NDE1: variants seen among roughly 807,000 people sequenced by gnomAD.
NDE1 encodes the protein nudE neurodevelopment protein 1.
A neutral mutation model predicts 43.4 loss-of-function variants in NDE1; 28 were observed. That is an observed-to-expected ratio of 0.65 (90% CI 0.48 to 0.89). The LOEUF (loss-of-function observed/expected upper bound fraction) is 0.89. Ranked by LOEUF, NDE1 falls within the 40% of genes least tolerant of loss-of-function variation. The pLI is 0.00. For missense variants in NDE1, 441 were observed against 434.1 expected, an observed-to-expected ratio of 1.02 and a Z score of -0.14; for synonymous variants, 184 against 172.0, an observed-to-expected ratio of 1.07 and a Z score of -0.55.
Position 15,695,516 on chromosome 16 carries a change from T to C in NDE1, c.796-1193T>C, listed in dbSNP as rs1322062660. 4.1e-6 allele frequency: 4 copies of C among 971,172 alleles called. No homozygotes were observed. In the South Asian group the frequency reaches 1.4e-4, roughly 35 times the overall value. The allele number at this position is 971,172 out of a possible 1,614,324, so 60.2% of individuals were successfully genotyped here. On this transcript the variant is annotated intron_variant, in intron 7 of 8. Transcript: ENST00000396354. ...GTCTCAAAAAAAAAAAAAAAAAAAA[T>C]CTTGAAAGCCTAGGGCAAAGAATTT...
At chr16:15,719,273 C>G in intron 8 of NDE1, 1 of 1,613,004 alleles carries the variant, frequency 6.2e-7, no homozygotes, top group Non-Finnish European at 8.5e-7. Flanking sequence ...TCTCGAGGTC[C>G]GCTTGTTTGC....
At chr16:15,682,984 C>T (rs1476062663) in intron 4 of NDE1, among the ~76,000 whole-genome samples, 3 of 152,016 alleles carry the variant, frequency 2.0e-5, no homozygotes, top group African/African-American at 7.2e-5. Flanking sequence ...GGATTATAGC[C>T]GTTAGCTCTC....
At chr16:15,689,137 G>T (rs1206580838) in intron 5 of NDE1, among the ~76,000 whole-genome samples, 1 of 152,198 alleles carries the variant, frequency 6.6e-6, no homozygotes, top group Non-Finnish European at 1.5e-5. Flanking sequence ...GAAGTACATA[G>T]ATGTATTTTG....
At chr16:15,691,402 T>G in intron 6 of NDE1, 79 bp downstream of exon 6, 1 of 1,478,470 alleles carries the variant, frequency 6.8e-7, no homozygotes, top group Non-Finnish European at 9.3e-7. Context: ...GTCCTGGGGG[T>G]GTGATGATTT....
chr16:15,719,150 G>A lies in NDE1; in HGVS notation c.948-5041G>A, dbSNP rs72772021. 23,372 of 1,453,892 alleles carry A rather than the reference G, an allele frequency of 0.016. 276 individuals are homozygous for A. Among genetic ancestry groups the A allele is most frequent in the Middle Eastern group, 0.052 (299 of 5,788 alleles). 90.1% of individuals were successfully genotyped at this position (1,453,892 alleles called of 1,614,324 possible). A position where few individuals can be genotyped will look rare whatever the true frequency, so the allele number is the denominator to read the frequency against. ...CTCGAAAAAATTTAAAAAATAAAAT[G>A]GGGGTCGAGGATGCTGCCTGTCCCC... On this transcript the variant is annotated intron_variant, in intron 8 of 8. Transcript: ENST00000396354.
chr16:15,677,689 TCCTCCCAGTTTAG>T (rs1405903892), intron 3 of NDE1, 99 bp from the exon 4 acceptor site: 128 of 1,171,316 alleles, frequency 1.1e-4, no homozygotes, highest in Admixed American at 3.9e-4. Flanking sequence ...GCTCAGGCAG[TCCTCCCAGTTTAG>T]CCTCCCGAGT....
At chr16:15,684,746 C>T (rs2038349671) in intron 4 of NDE1, among the ~76,000 whole-genome samples, 1 of 152,072 alleles carries the variant, frequency 6.6e-6, no homozygotes, top group Admixed American at 6.6e-5. Flanking sequence ...ACCCAGTGGT[C>T]CCTAAAACTA....
Position 15,720,244 on chromosome 16 carries a change from C to T in NDE1, c.948-3947C>T, listed in dbSNP as rs2040395555. 6.2e-7 allele frequency: 1 copy of T among 1,614,142 alleles called. No homozygotes were observed. The highest frequency in any genetic ancestry group is 8.5e-7 in the Non-Finnish European group (1 of 1,180,014). On this transcript the variant is annotated intron_variant, in intron 8 of 8. Coordinates refer to ENST00000396354, the MANE Select transcript of NDE1 (RefSeq NM_017668.3). Reference sequence around the variant, plus strand: ...GGTCTTTCAGGTCCCCTTCCAGCTTCTTCTTTGCTGCAGCTGCCAGGGCAC... The same window carrying T: ...GGTCTTTCAGGTCCCCTTCCAGCTTTTTCTTTGCTGCAGCTGCCAGGGCAC...
rs769158052 is a variant in NDE1, at chr16:15,666,034, G to A, written c.83+1173G>A. Among the ~76,000 whole-genome samples, 105 of 152,144 alleles carry A rather than the reference G, an allele frequency of 6.9e-4. 1 individual carries two copies. The highest frequency in any genetic ancestry group is 2.4e-4 in the Non-Finnish European group (16 of 68,034). On this transcript the variant is annotated intron_variant, in intron 2 of 8. Transcript: ENST00000396354. ...GCTTCCCTAAGTGCTGGGATTACAG[G>A]CGTGAGCCACCACGCCCGGTGTCCA...
chr16:15,715,289 A>G, intron 8 of NDE1: 2 of 1,613,826 alleles, frequency 1.2e-6, no homozygotes, highest in Non-Finnish European at 1.7e-6. Context: ...ACAGCAAGGA[A>G]AACAGGTGGT....
chr16:15,665,457 T>C (rs2037254020), intron 2 of NDE1, among the ~76,000 whole-genome samples: 1 of 152,068 alleles, frequency 6.6e-6, no homozygotes, highest in South Asian at 2.1e-4. Flanking sequence ...TTCTTCTTTT[T>C]TTTTTGAGAC....
chr16:15,697,122 C>T (rs1272277760), intron 8 of NDE1: 3 of 935,768 alleles, frequency 3.2e-6, no homozygotes, highest in African/African-American at 1.8e-5. Context: ...GATCATGGCT[C>T]ACCCTCTGCC....
intron 3 of NDE1, among the ~76,000 whole-genome samples, chr16:15,676,762 C>T (rs2037902557): frequency 6.6e-6 from 1 of 152,124 alleles, no homozygotes; most frequent in African/African-American, 2.4e-5. Context: ...CTCTCAGGCT[C>T]GAATGGTCCT....
Position 15,717,003 on chromosome 16 carries a change from T to C in NDE1, c.948-7188T>C, listed in dbSNP as rs535222434. On this transcript the variant is annotated intron_variant, in intron 8 of 8. Transcript: ENST00000396354. ...GTGTTTACGTTCAGTTCTCACAACA[T>C]ACCTGCACTGTAGGCATCACAGAGC... 51 of 973,380 alleles carry C rather than the reference T, an allele frequency of 5.2e-5. 2 individuals are homozygous for C. The South Asian group carries it at 6.1e-4, about 12-fold the overall frequency. The allele number at this position is 973,380 out of a possible 1,614,324, so 60.3% of individuals were successfully genotyped here.
At chr16:15,681,322 A>G (rs71376086) in intron 4 of NDE1, among the ~76,000 whole-genome samples, 8,595 of 118,478 alleles carry the variant, frequency 0.073, 499 homozygotes, top group African/African-American at 0.18. Flanking sequence ...GTAGAGTGCC[A>G]TGGTGCAATT....
intron 3 of NDE1, among the ~76,000 whole-genome samples, chr16:15,674,315 C>T (rs557779880): frequency 1.8e-4 from 27 of 152,078 alleles, no homozygotes; most frequent in Non-Finnish European, 3.1e-4. Flanking sequence ...ACAATCTCTG[C>T]TCACTGCAAC....
intron 8 of NDE1, chr16:15,721,533 A>G: frequency 6.2e-7 from 1 of 1,614,162 alleles, no homozygotes; most frequent in East Asian, 2.2e-5. Context: ...CAAGGGCCCG[A>G]GCCAGGGACA....
At chr16:15,721,779 T>C in intron 8 of NDE1, 1 of 783,498 alleles carries the variant, frequency 1.3e-6, no homozygotes, top group Non-Finnish European at 2.1e-6. Context: ...GAGTAATTTA[T>C]ATAATCATCT....
At chr16:15,682,441 TCTC>T (rs1277663253) in intron 4 of NDE1, among the ~76,000 whole-genome samples, 3 of 152,224 alleles carry the variant, frequency 2.0e-5, no homozygotes, top group Non-Finnish European at 2.9e-5. Flanking sequence ...TTGACAGTCT[TCTC>T]CAAGAACAAG....
Sources: allele counts gnomAD v4.1 joint callset (sites outside exome capture counted in the v4.1 genomes callset), GRCh38; gene constraint gnomAD v4.1.1; transcripts MANE v1.5; gene names NCBI Gene and HGNC (gene_info 2026-07-23, HGNC 2026-07-21).